Variants in NEGR1 observed in about 807,000 individuals in gnomAD.
NEGR1 encodes the protein IgLON family member 4.
A neutral mutation model predicts 40.9 loss-of-function variants in NEGR1; 10 were observed. That is an observed-to-expected ratio of 0.24 (90% CI 0.15 to 0.42). NEGR1 has a LOEUF of 0.42. Ranked by LOEUF, NEGR1 falls within the 10% of genes least tolerant of loss-of-function variation. The pLI is 1.00. For synonymous variants in NEGR1, 185 were observed against 166.8 expected, an observed-to-expected ratio of 1.11 and a Z score of -0.84; for missense variants, 352 against 438.9, an observed-to-expected ratio of 0.80 and a Z score of 1.77.
intron 6 of NEGR1, among the ~76,000 whole-genome samples, chr1:71,418,457 G>A (rs1370260568): frequency 2.0e-5 from 3 of 151,868 alleles, no homozygotes; most frequent in South Asian, 2.1e-4. Context: ...GGGACTACAG[G>A]TGCCCGCCAC....
At chr1:71,567,781 GGTTTTGGGGA>G (rs1648667140) in intron 6 of NEGR1, among the ~76,000 whole-genome samples, 1 of 151,912 alleles carries the variant, frequency 6.6e-6, no homozygotes, top group Non-Finnish European at 1.5e-5. Flanking sequence ...TAGGAACTGG[GGTTTTGGGGA>G]GCCAATTAGG....
chr1:72,248,320 T>C (rs1194281), intron 1 of NEGR1, among the ~76,000 whole-genome samples: 69,446 of 151,942 alleles, frequency 0.46, 16,266 homozygotes, highest in African/African-American at 0.51. Flanking sequence ...TGCAGTGGCA[T>C]GATCTCAGCA....
At chr1:71,588,404 C>T (rs919445270) in intron 6 of NEGR1, among the ~76,000 whole-genome samples, 5 of 152,102 alleles carry the variant, frequency 3.3e-5, no homozygotes, top group Admixed American at 2.0e-4. Flanking sequence ...GCACAATATT[C>T]TCTCTGCCTT....
intron 1 of NEGR1, among the ~76,000 whole-genome samples, chr1:72,160,110 T>C (rs2100372312): frequency 6.6e-6 from 1 of 152,280 alleles, no homozygotes; most frequent in Admixed American, 6.5e-5. Context: ...AAATATAAGC[T>C]GGATATTCAG....
chr1:71,706,437 T>A (rs910115065), intron 3 of NEGR1, among the ~76,000 whole-genome samples: 2 of 151,584 alleles, frequency 1.3e-5, no homozygotes, highest in African/African-American at 4.9e-5. Flanking sequence ...AGGTGAGTCC[T>A]AGGGAAGAAC....
At chr1:71,841,478 C>T (rs1479608579) in intron 2 of NEGR1, among the ~76,000 whole-genome samples, 1 of 152,104 alleles carries the variant, frequency 6.6e-6, no homozygotes, top group Non-Finnish European at 1.5e-5. Flanking sequence ...TGTATAGCAA[C>T]AATTATCTAG....
At chr1:72,082,692 AAAAAC>A (rs1648052665) in intron 1 of NEGR1, among the ~76,000 whole-genome samples, 1 of 150,676 alleles carries the variant, frequency 6.6e-6, no homozygotes, top group Non-Finnish European at 1.5e-5. Flanking sequence ...CACAATTAGA[AAAAAC>A]AAAACAAAAC....
At chr1:71,690,653 G>GAGAGAGAGAA (rs1653243894) in intron 4 of NEGR1, among the ~76,000 whole-genome samples, 1 of 149,688 alleles carries the variant, frequency 6.7e-6, no homozygotes, top group Non-Finnish European at 1.5e-5. Flanking sequence ...GAGAGAGAGA[G>GAGAGAGAGAA]AGAGAGAGAG....
At chr1:72,041,838 T>TTA (rs1247068791) in intron 1 of NEGR1, among the ~76,000 whole-genome samples, 1 of 144,206 alleles carries the variant, frequency 6.9e-6, no homozygotes, top group African/African-American at 2.5e-5. Context: ...TATATATATT[T>TTA]TATATATATT....
chr1:72,055,675 A>G (rs1647103413), intron 1 of NEGR1, among the ~76,000 whole-genome samples: 1 of 150,688 alleles, frequency 6.6e-6, no homozygotes, highest in Non-Finnish European at 1.5e-5. Flanking sequence ...AAATATAACA[A>G]TTTGGAAAAA....
At chr1:71,563,008 C>T (rs1343969135) in intron 6 of NEGR1, among the ~76,000 whole-genome samples, 2 of 151,928 alleles carry the variant, frequency 1.3e-5, no homozygotes, top group African/African-American at 4.8e-5. Context: ...ACATGATCAC[C>T]AATGTCAATA....
chr1:71,640,259 C>T (rs1330323312), intron 4 of NEGR1, among the ~76,000 whole-genome samples: 1 of 151,990 alleles, frequency 6.6e-6, no homozygotes, highest in Admixed American at 6.6e-5. Context: ...AAATCTTGGC[C>T]ATGAAGATGG....
At chr1:72,275,888 G>C (rs1242715272) in intron 1 of NEGR1, among the ~76,000 whole-genome samples, 2 of 152,054 alleles carry the variant, frequency 1.3e-5, no homozygotes, top group Non-Finnish European at 2.9e-5. Context: ...CTTGAGGCCA[G>C]GAGTTTGAGA....
chr1:71,406,259 A>G lies in NEGR1; in HGVS notation c.*1187T>C, dbSNP rs548633652. The G allele has an allele frequency of 6.6e-6, 1 of 152,094 alleles. No homozygotes were observed. The highest frequency in any genetic ancestry group is 2.1e-4 in the South Asian group (1 of 4,822). 9.4% of individuals were successfully genotyped at this position (152,094 alleles called of 1,614,324 possible). A position where few individuals can be genotyped will look rare whatever the true frequency, so the allele number is the denominator to read the frequency against. The stretch of plus-strand genomic sequence containing the variant: ...ATATATTTTGGAAGTTTTAAAATAT[A>G]TAACATGCATTCCAGACTATCAACT... On this transcript the variant is annotated 3_prime_UTR_variant, in exon 7 of 7. Coordinates refer to ENST00000357731, the MANE Select transcript of NEGR1 (RefSeq NM_173808.3).
At chr1:71,680,564 G>T (rs1334596610) in intron 4 of NEGR1, among the ~76,000 whole-genome samples, 1 of 152,014 alleles carries the variant, frequency 6.6e-6, no homozygotes, top group African/African-American at 2.4e-5. Context: ...AATATTAAAA[G>T]TAGCTTTTAG....
intron 3 of NEGR1, among the ~76,000 whole-genome samples, chr1:71,715,571 C>A (rs1654245259): frequency 6.6e-6 from 1 of 152,172 alleles, no homozygotes; most frequent in Admixed American, 6.5e-5. Flanking sequence ...ACCCAAGTCA[C>A]TCCTTGAACA....
chr1:71,561,955 T>C (rs1233488590), intron 6 of NEGR1, among the ~76,000 whole-genome samples: 1 of 149,880 alleles, frequency 6.7e-6, no homozygotes, highest in South Asian at 2.1e-4. Flanking sequence ...AAAGAACTTA[T>C]GAGTCACCAT....
At chr1:72,246,802 C>A (rs1404128078) in intron 1 of NEGR1, among the ~76,000 whole-genome samples, 1 of 152,214 alleles carries the variant, frequency 6.6e-6, no homozygotes. Flanking sequence ...AGTACGCAGC[C>A]ATCTATGAGG....
chr1:71,965,594 T>C (rs2100304937), intron 1 of NEGR1, among the ~76,000 whole-genome samples: 1 of 152,286 alleles, frequency 6.6e-6, no homozygotes, highest in Non-Finnish European at 1.5e-5. Flanking sequence ...GGAAATGGGC[T>C]AAAGAAAAAC....
Sources: allele counts gnomAD v4.1 joint callset (sites outside exome capture counted in the v4.1 genomes callset), GRCh38; gene constraint gnomAD v4.1.1; transcripts MANE v1.5; gene names NCBI Gene and HGNC (gene_info 2026-07-23, HGNC 2026-07-21).